Variants in TENM1 observed in about 807,000 individuals in gnomAD.
The protein encoded by TENM1 is teneurin-1.
Under a neutral mutation model 174.8 loss-of-function variants are expected in TENM1, and 35 were observed. That is an observed-to-expected ratio of 0.20 (90% CI 0.15 to 0.27). TENM1 has a LOEUF of 0.27. Among genes scored for constraint, TENM1 ranks in the 10% least tolerant of loss-of-function variants. TENM1 has a pLI of 1.00. For missense variants in TENM1, 1,633 were observed against 2,130.1 expected, an observed-to-expected ratio of 0.77 and a Z score of 4.59; for synonymous variants, 781 against 798.7, an observed-to-expected ratio of 0.98 and a Z score of 0.37.
the TENM1 span, among the ~76,000 whole-genome samples, chrX:125,066,115 T>C: frequency 2.6e-4 from 29 of 112,011 alleles, no homozygotes; most frequent in Admixed American, 4.7e-4. Flanking sequence ...CAGGAATATA[T>C]GACTTAAAAA....
intron 4 of TENM1, among the ~76,000 whole-genome samples, chrX:124,723,597 T>G (rs986164535): frequency 4.4e-4 from 44 of 99,412 alleles, no homozygotes; most frequent in African/African-American, 1.5e-3. Flanking sequence ...GTGGGTTTTT[T>G]TTTTTGTTTT....
chrX:125,088,611 G>A, the TENM1 span, among the ~76,000 whole-genome samples: 1 of 110,494 alleles, frequency 9.1e-6, no homozygotes, highest in Non-Finnish European at 1.9e-5. Context: ...TAACAAAAAG[G>A]TGAGAAAAAT....
intron 15 of TENM1, among the ~76,000 whole-genome samples, chrX:124,546,526 T>C (rs2048433092): frequency 1.8e-5 from 2 of 111,822 alleles, no homozygotes; most frequent in African/African-American, 6.5e-5. Context: ...CATCATGAAA[T>C]AAAACTTAAA....
At chrX:124,908,116 T>C (rs879108008) in intron 1 of TENM1, among the ~76,000 whole-genome samples, 1 of 112,027 alleles carries the variant, frequency 8.9e-6, no homozygotes, top group African/African-American at 3.2e-5. Flanking sequence ...CAGTTTTACA[T>C]ATCAAAAAAA....
At chrX:124,449,601 C>T (rs1485108977) in intron 23 of TENM1, among the ~76,000 whole-genome samples, 2 of 111,968 alleles carry the variant, frequency 1.8e-5, no homozygotes, top group Non-Finnish European at 3.8e-5. Flanking sequence ...TCTGTCCCTC[C>T]TCCTCCATAC....
At chrX:124,940,764 T>A (rs2058314464) in intron 1 of TENM1, among the ~76,000 whole-genome samples, 1 of 111,394 alleles carries the variant, frequency 9.0e-6, no homozygotes, top group African/African-American at 3.3e-5. Context: ...CCCTCAATTA[T>A]CCCTGCTCCT....
intron 6 of TENM1, among the ~76,000 whole-genome samples, chrX:124,668,641 T>C (rs1351290559): frequency 3.7e-5 from 4 of 109,411 alleles, no homozygotes; most frequent in Admixed American, 9.8e-5. Context: ...TAGGTGGGAA[T>C]TGAACAATGA....
chrX:124,607,037 A>G (rs2050175771), intron 11 of TENM1, among the ~76,000 whole-genome samples: 1 of 110,251 alleles, frequency 9.1e-6, no homozygotes, highest in Admixed American at 9.7e-5. Context: ...GGAGGAGGAT[A>G]AGGGAGGAAA....
At chrX:124,995,291 A>T in the TENM1 span, among the ~76,000 whole-genome samples, 1 of 111,333 alleles carries the variant, frequency 9.0e-6, no homozygotes, top group Admixed American at 9.6e-5. Context: ...TAATTATTTT[A>T]ATACTGTCTG....
chrX:125,020,411 G>A, the TENM1 span, among the ~76,000 whole-genome samples: 2 of 109,891 alleles, frequency 1.8e-5, no homozygotes, highest in Non-Finnish European at 3.8e-5. Context: ...TATAATTATA[G>A]GATACTTTTT....
chrX:124,536,363 C>G (rs2048206520), intron 15 of TENM1, among the ~76,000 whole-genome samples: 1 of 111,175 alleles, frequency 9.0e-6, no homozygotes, highest in African/African-American at 3.3e-5. Flanking sequence ...TGGTCACTGC[C>G]CCAAATAAAC....
At chrX:125,087,880 C>T in the TENM1 span, among the ~76,000 whole-genome samples, 1 of 111,438 alleles carries the variant, frequency 9.0e-6, no homozygotes, top group African/African-American at 3.3e-5. Context: ...AGGCAAATAT[C>T]CTGTGAAGCA....
At chrX:124,510,994 T>G (rs1049073339) in intron 18 of TENM1, among the ~76,000 whole-genome samples, 2 of 112,353 alleles carry the variant, frequency 1.8e-5, no homozygotes, top group African/African-American at 6.5e-5. Flanking sequence ...CAAGACCACT[T>G]GCTTATGAAA....
chrX:124,640,954 C>T (rs1364990155), intron 11 of TENM1, among the ~76,000 whole-genome samples: 2 of 57,142 alleles, frequency 3.5e-5, no homozygotes, highest in Non-Finnish European at 5.8e-5. Context: ...GAGCGAGAAT[C>T]CATCTCCAAA....
chrX:124,526,946 A>C (rs1569536312), intron 16 of TENM1, among the ~76,000 whole-genome samples: 2 of 112,019 alleles, frequency 1.8e-5, no homozygotes, highest in Non-Finnish European at 3.8e-5. Flanking sequence ...ACTATTTACA[A>C]ATAGTTCTCT....
the TENM1 span, among the ~76,000 whole-genome samples, chrX:124,985,407 T>C: frequency 8.9e-6 from 1 of 112,355 alleles, no homozygotes; most frequent in South Asian, 3.7e-4. Context: ...ATAACTTTCT[T>C]TGATGCAGTG....
exon 7 of TENM1, chrX:124,653,712 G>A (rs1458885216): frequency 8.3e-7 from 1 of 1,211,154 alleles, no homozygotes. Context: ...AATAAACCAG[G>A]TGGAATGGTC....
chrX:124,577,897 C>T (rs755294502), intron 11 of TENM1, among the ~76,000 whole-genome samples: 2 of 110,857 alleles, frequency 1.8e-5, no homozygotes, highest in South Asian at 7.9e-4. Context: ...TTAATCTCGA[C>T]TCATGAATCA....
At chrX:124,639,746 T>C (rs904205248) in intron 11 of TENM1, among the ~76,000 whole-genome samples, 1 of 111,506 alleles carries the variant, frequency 9.0e-6, no homozygotes, top group African/African-American at 3.3e-5. Context: ...TTATTATGTG[T>C]TTGCTACAAT....
Sources: allele counts gnomAD v4.1 joint callset (sites outside exome capture counted in the v4.1 genomes callset), GRCh38; gene constraint gnomAD v4.1.1; transcripts MANE v1.5; gene names NCBI Gene and HGNC (gene_info 2026-07-23, HGNC 2026-07-21).